SPOCK3: variants seen among roughly 807,000 people sequenced by gnomAD.
SPOCK3 encodes the protein SPARC (osteonectin), cwcv and kazal like domains proteoglycan 3.
In SPOCK3, 30 loss-of-function variants were observed where a neutral mutation model predicts 56.6. That is an observed-to-expected ratio of 0.53 (90% CI 0.40 to 0.72). The LOEUF (loss-of-function observed/expected upper bound fraction) is 0.72, where lower values mean the gene tolerates loss of function less well. SPOCK3 is among the 30% of genes least tolerant of loss of function. The pLI, the probability that SPOCK3 is intolerant of heterozygous loss-of-function variation, is 0.00. For missense variants in SPOCK3, 527 were observed against 530.0 expected (o/e 0.99, Z 0.06); for synonymous variants, 196 against 183.3 (o/e 1.07, Z -0.56).
chr4:167,120,986 A>G (rs191571321), intron 2 of SPOCK3, among the ~76,000 whole-genome samples: 1 of 151,894 alleles, frequency 6.6e-6, no homozygotes, highest in African/African-American at 2.4e-5. Flanking sequence ...AAAATGCCTA[A>G]CTCCACTGGA....
chr4:166,771,373 A>G (rs1176555070), intron 7 of SPOCK3, among the ~76,000 whole-genome samples: 1 of 152,028 alleles, frequency 6.6e-6, no homozygotes, highest in East Asian at 1.9e-4. Flanking sequence ...AGCTTTCTCT[A>G]TCTTTGAATT....
chr4:167,169,966 T>C (rs557622560), intron 2 of SPOCK3, among the ~76,000 whole-genome samples: 8 of 152,188 alleles, frequency 5.3e-5, no homozygotes, highest in African/African-American at 1.9e-4. Context: ...TGCTTTTCAT[T>C]CTCCTTCTGC....
At chr4:166,937,596 G>A (rs1043204572) in intron 4 of SPOCK3, among the ~76,000 whole-genome samples, 4 of 148,610 alleles carry the variant, frequency 2.7e-5, no homozygotes, top group East Asian at 3.9e-4. Flanking sequence ...TTCAGTAATT[G>A]TAGTTGTTCC....
At chr4:167,204,453 G>C (rs1010990439) in intron 2 of SPOCK3, among the ~76,000 whole-genome samples, 1 of 152,080 alleles carries the variant, frequency 6.6e-6, no homozygotes, top group Non-Finnish European at 1.5e-5. Context: ...GGCAGCAGGA[G>C]AGAGAATGAG....
chr4:167,056,815 G>A (rs1189676105), intron 3 of SPOCK3, among the ~76,000 whole-genome samples: 1 of 152,192 alleles, frequency 6.6e-6, no homozygotes, highest in Non-Finnish European at 1.5e-5. Context: ...CCTGATTGCT[G>A]TACCTAAAAG....
rs149489625 is a variant in SPOCK3, at chr4:167,186,857, G to C, written c.189+47128C>G. 1.9e-4 allele frequency among the ~76,000 whole-genome samples: 28 copies of C among 149,504 alleles called. 3 individuals carry two copies. The East Asian group carries it at 5.5e-3, about 29-fold the overall frequency. ...CTGGGCGTGGTGGCACATGCCTGCA[G>C]TCCTACCTGCTTGGGAGGCTGAGGC... On this transcript the variant is annotated intron_variant, in intron 2 of 10. Coordinates refer to ENST00000357545, the MANE Select transcript of SPOCK3 (RefSeq NM_001040159.2).
intron 6 of SPOCK3, among the ~76,000 whole-genome samples, chr4:166,869,971 C>T (rs1242447902): frequency 1.3e-5 from 2 of 152,178 alleles, no homozygotes; most frequent in East Asian, 3.9e-4. Flanking sequence ...CAATCAAAGG[C>T]TCACATTTTA....
intron 6 of SPOCK3, among the ~76,000 whole-genome samples, chr4:166,832,586 T>C (rs1746195565): frequency 6.6e-6 from 1 of 152,138 alleles, no homozygotes; most frequent in Non-Finnish European, 1.5e-5. Flanking sequence ...GAAAATAAAT[T>C]GTTCTACCAA....
At chr4:166,981,304 A>G (rs968006550) in intron 4 of SPOCK3, among the ~76,000 whole-genome samples, 11 of 150,968 alleles carry the variant, frequency 7.3e-5, no homozygotes, top group African/African-American at 2.7e-4. Flanking sequence ...GGAAGCTCCT[A>G]TCCACAGGCA....
chr4:166,942,968 T>A (rs1270654973), intron 4 of SPOCK3, among the ~76,000 whole-genome samples: 1 of 152,214 alleles, frequency 6.6e-6, no homozygotes, highest in Non-Finnish European at 1.5e-5. Context: ...AATGTGTGCA[T>A]ATATTCTGTC....
chr4:166,796,750 T>TA (rs1469811878), intron 6 of SPOCK3, among the ~76,000 whole-genome samples: 2 of 152,146 alleles, frequency 1.3e-5, no homozygotes, highest in African/African-American at 4.8e-5. Flanking sequence ...TCTTCATAAA[T>TA]AAAAAATATT....
intron 4 of SPOCK3, among the ~76,000 whole-genome samples, chr4:166,982,899 T>C (rs1255728018): frequency 1.3e-5 from 2 of 152,176 alleles, no homozygotes; most frequent in Non-Finnish European, 1.5e-5. Context: ...CAATTATAGA[T>C]AAGCATAAGG....
At chr4:166,762,401 TA>T (rs905734623) in intron 7 of SPOCK3, among the ~76,000 whole-genome samples, 15 of 152,050 alleles carry the variant, frequency 9.9e-5, no homozygotes, top group African/African-American at 3.6e-4. Flanking sequence ...ATCCAAAGTA[TA>T]AAAGGGTCTG....
intron 4 of SPOCK3, among the ~76,000 whole-genome samples, chr4:166,926,585 T>G (rs982253283): frequency 6.6e-6 from 1 of 152,086 alleles, no homozygotes; most frequent in Non-Finnish European, 1.5e-5. Flanking sequence ...TTTGGCTTCT[T>G]TGACAGAATT....
chr4:167,007,348 C>G (rs760027048), intron 3 of SPOCK3, among the ~76,000 whole-genome samples: 1 of 152,108 alleles, frequency 6.6e-6, no homozygotes, highest in Admixed American at 6.6e-5. Context: ...TAAGTAATCC[C>G]TAGATTATTC....
chr4:166,836,021 C>CAA (rs377584869), intron 6 of SPOCK3, among the ~76,000 whole-genome samples: 3 of 151,864 alleles, frequency 2.0e-5, no homozygotes, highest in South Asian at 4.1e-4. Context: ...CACACACACA[C>CAA]AAAAAATTCT....
intron 2 of SPOCK3, among the ~76,000 whole-genome samples, chr4:167,077,925 T>C (rs1454334405): frequency 1.3e-5 from 2 of 151,900 alleles, no homozygotes; most frequent in Non-Finnish European, 2.9e-5. Context: ...ATTTAACAAA[T>C]TATTCCTTTA....
At chr4:166,809,138 A>G (rs2873705) in intron 6 of SPOCK3, among the ~76,000 whole-genome samples, 46,875 of 151,810 alleles carry the variant, frequency 0.31, 7,962 homozygotes, top group East Asian at 0.74. Flanking sequence ...ACAGTAAAAA[A>G]TAAATAAGTG....
chr4:166,963,254 G>A (rs1345080357), intron 4 of SPOCK3, among the ~76,000 whole-genome samples: 2 of 151,930 alleles, frequency 1.3e-5, no homozygotes, highest in African/African-American at 4.8e-5. Flanking sequence ...TCTTTTTGAT[G>A]TTTTTGACAG....
Sources: gnomAD v4.1 joint callset for allele counts (sites outside exome capture counted in the v4.1 genomes callset) on GRCh38, gnomAD v4.1.1 for gene constraint, MANE v1.5 for transcripts, NCBI Gene and HGNC (gene_info 2026-07-23, HGNC 2026-07-21) for gene names.